The following VTI1A variants were observed in gnomAD, a reference collection of about 807,000 sequenced individuals.
VTI1A encodes vesicle transport through interaction with t-SNAREs 1A.
Under a neutral mutation model 34.9 loss-of-function variants are expected in VTI1A, and 22 were observed. The observed-to-expected ratio is 0.63, with a 90% CI of 0.45 to 0.90. The LOEUF (loss-of-function observed/expected upper bound fraction) is 0.90. VTI1A is among the 40% of genes least tolerant of loss of function. VTI1A has a pLI of 0.00. For missense variants in VTI1A, 268 were observed against 275.6 expected (o/e 0.97, Z 0.20); for synonymous variants, 87 against 97.3 (o/e 0.89, Z 0.62).
At chr10:112,647,993 C>T (rs1404124496) in intron 5 of VTI1A, among the ~76,000 whole-genome samples, 1 of 152,162 alleles carries the variant, frequency 6.6e-6, no homozygotes, top group Non-Finnish European at 1.5e-5. Context: ...TGGTCTCAAA[C>T]TGCTGAGCTC....
chr10:112,684,282 A>G (rs529902762), intron 7 of VTI1A, among the ~76,000 whole-genome samples: 87 of 152,268 alleles, frequency 5.7e-4, no homozygotes, highest in Admixed American at 1.8e-3. Context: ...CATTATTTAT[A>G]TGGTTGTATG....
intron 7 of VTI1A, among the ~76,000 whole-genome samples, chr10:112,748,000 C>A (rs1316858310): frequency 2.0e-5 from 3 of 152,092 alleles, no homozygotes; most frequent in African/African-American, 7.2e-5. Context: ...GTCAAGGCGA[C>A]AACAGGGAGC....
At chr10:112,588,223 C>T (rs1359756127) in intron 5 of VTI1A, among the ~76,000 whole-genome samples, 2 of 151,954 alleles carry the variant, frequency 1.3e-5, no homozygotes, top group African/African-American at 4.8e-5. Flanking sequence ...ATCTAAGTGG[C>T]CTAGAGCAAA....
At chr10:112,688,113 C>A (rs895384014) in intron 7 of VTI1A, among the ~76,000 whole-genome samples, 2 of 151,776 alleles carry the variant, frequency 1.3e-5, no homozygotes, top group Non-Finnish European at 2.9e-5. Flanking sequence ...GCCACCATGC[C>A]CGGCTAATTT....
intron 7 of VTI1A, among the ~76,000 whole-genome samples, chr10:112,776,908 C>T (rs889177296): frequency 2.6e-5 from 4 of 152,070 alleles, no homozygotes; most frequent in Non-Finnish European, 5.9e-5. Flanking sequence ...GAACTCCTGA[C>T]CTCAGGTGAT....
chr10:112,812,586 C>T (rs1853356309), intron 7 of VTI1A, among the ~76,000 whole-genome samples: 1 of 152,192 alleles, frequency 6.6e-6, no homozygotes, highest in Admixed American at 6.5e-5. Flanking sequence ...CCTGACAGTT[C>T]ACTTTTCTGG....
chr10:112,449,776 A>T (rs531830895), intron 1 of VTI1A: 42 of 152,304 alleles, frequency 2.8e-4, no homozygotes, highest in African/African-American at 9.6e-4. Flanking sequence ...TTAAAAAAAA[A>T]CTATGTCTTT....
At chr10:112,589,980 A>G (rs1329942927) in intron 5 of VTI1A, among the ~76,000 whole-genome samples, 1 of 152,188 alleles carries the variant, frequency 6.6e-6, no homozygotes, top group Non-Finnish European at 1.5e-5. Flanking sequence ...TTTAATTTGT[A>G]TAGGGTTTGA....
intron 7 of VTI1A, among the ~76,000 whole-genome samples, chr10:112,791,090 A>G (rs1356380078): frequency 2.0e-5 from 3 of 152,172 alleles, no homozygotes; most frequent in Non-Finnish European, 2.9e-5. Flanking sequence ...GCATGTGCTC[A>G]CATGAGCTTT....
chr10:112,566,246 A>G (rs1384125107), intron 5 of VTI1A, among the ~76,000 whole-genome samples: 2 of 152,122 alleles, frequency 1.3e-5, no homozygotes, highest in African/African-American at 4.8e-5. Context: ...TTTTATTTCC[A>G]TTCATATTGA....
chr10:112,781,368 G>C (rs1451958207), intron 7 of VTI1A, among the ~76,000 whole-genome samples: 1 of 152,222 alleles, frequency 6.6e-6, no homozygotes, highest in Non-Finnish European at 1.5e-5. Flanking sequence ...TCTGCCCCAG[G>C]TGTTGGTACC....
At chr10:112,736,109 GTGTATATATATA>G (rs1008173497) in intron 7 of VTI1A, among the ~76,000 whole-genome samples, 61 of 116,864 alleles carry the variant, frequency 5.2e-4, no homozygotes, top group African/African-American at 2.4e-3. Context: ...ATATGTGTGT[GTGTATATATATA>G]TATATATATA....
At chr10:112,490,303 C>T (rs1589823708) in intron 3 of VTI1A, among the ~76,000 whole-genome samples, 1 of 152,150 alleles carries the variant, frequency 6.6e-6, no homozygotes, top group East Asian at 1.9e-4. Context: ...GATTAAATAG[C>T]CATCTCCAGT....
chr10:112,539,524 G>A (rs74158732), intron 5 of VTI1A, among the ~76,000 whole-genome samples: 63 of 152,190 alleles, frequency 4.1e-4, no homozygotes, highest in Admixed American at 8.5e-4. Context: ...CTTTCTGCCC[G>A]GATTGGAATA....
At chr10:112,821,136 C>T (rs988865290), downstream of VTI1A, among the ~76,000 whole-genome samples, 3 of 152,228 alleles carry the variant, frequency 2.0e-5, no homozygotes, top group African/African-American at 7.2e-5. Flanking sequence ...CGCCAGGAAG[C>T]AGAGCTCTGG....
intron 5 of VTI1A, among the ~76,000 whole-genome samples, chr10:112,597,164 C>T (rs1324427148): frequency 6.6e-6 from 1 of 152,140 alleles, no homozygotes; most frequent in African/African-American, 2.4e-5. Context: ...GACATTTCCA[C>T]TTACGCTAAC....
chr10:112,635,088 C>A (rs7894830), intron 5 of VTI1A, among the ~76,000 whole-genome samples: 49,010 of 152,032 alleles, frequency 0.32, 8,016 homozygotes, highest in East Asian at 0.35. Flanking sequence ...CTGCAAAGTT[C>A]AGAAAGCTGG....
intron 7 of VTI1A, among the ~76,000 whole-genome samples, chr10:112,798,166 A>G (rs1852742677): frequency 6.6e-6 from 1 of 152,104 alleles, no homozygotes; most frequent in Non-Finnish European, 1.5e-5. Context: ...AACCAAAGCA[A>G]TGCTGTGCAG....
At chr10:112,689,886 A>G (rs1848555813) in intron 7 of VTI1A, among the ~76,000 whole-genome samples, 1 of 151,646 alleles carries the variant, frequency 6.6e-6, no homozygotes, top group Admixed American at 6.6e-5. Context: ...CAGTTCCCTC[A>G]CTCCAGAAGT....
Sources: gnomAD v4.1 joint callset for allele counts (sites outside exome capture counted in the v4.1 genomes callset) on GRCh38, gnomAD v4.1.1 for gene constraint, MANE v1.5 for transcripts, NCBI Gene and HGNC (gene_info 2026-07-23, HGNC 2026-07-21) for gene names.